FOXP2: variants seen among roughly 807,000 people sequenced by gnomAD.
FOXP2 encodes the protein forkhead box P2.
A neutral mutation model predicts 115.8 loss-of-function variants in FOXP2; 12 were observed. The ratio of observed to expected loss-of-function variants is 0.10; its 90% CI spans 0.07 to 0.17. The LOEUF (loss-of-function observed/expected upper bound fraction) is 0.17. FOXP2 is among the 10% of genes least tolerant of loss of function. FOXP2 has a pLI of 1.00. For synonymous variants in FOXP2, 328 were observed against 297.7 expected (o/e 1.10, Z -1.05); for missense variants, 629 against 843.5 (o/e 0.75, Z 3.15).
intron 3 of FOXP2, among the ~76,000 whole-genome samples, chr7:114,545,729 G>A (rs7812161): frequency 5.5e-4 from 83 of 152,046 alleles, no homozygotes; most frequent in African/African-American, 1.9e-3. Context: ...CTCAAACATC[G>A]GTTCATGTCT....
At chr7:114,396,542 A>G (rs903020221) in intron 2 of FOXP2, among the ~76,000 whole-genome samples, 3 of 151,080 alleles carry the variant, frequency 2.0e-5, no homozygotes, top group South Asian at 4.2e-4. Flanking sequence ...CCTATTTTTA[A>G]TTTTTTTTTA....
At chr7:114,376,637 T>A (rs984080403) in intron 2 of FOXP2, among the ~76,000 whole-genome samples, 4 of 152,176 alleles carry the variant, frequency 2.6e-5, no homozygotes, top group Non-Finnish European at 5.9e-5. Flanking sequence ...ATAAGTTATG[T>A]GCCTATGGTC....
intron 2 of FOXP2, among the ~76,000 whole-genome samples, chr7:114,314,962 C>T (rs1797239495): frequency 6.6e-6 from 1 of 152,044 alleles, no homozygotes; most frequent in Non-Finnish European, 1.5e-5. Context: ...CTGTTTACTT[C>T]TGAAAGAAAA....
At chr7:114,265,478 C>A (rs1277604060) in intron 1 of FOXP2, among the ~76,000 whole-genome samples, 2 of 152,196 alleles carry the variant, frequency 1.3e-5, no homozygotes, top group African/African-American at 4.8e-5. Context: ...TCAGCCCTTG[C>A]GCTTGCTCTC....
chr7:114,225,660 T>C (rs926023632), intron 1 of FOXP2, among the ~76,000 whole-genome samples: 3 of 151,380 alleles, frequency 2.0e-5, no homozygotes, highest in African/African-American at 7.3e-5. Flanking sequence ...GCTGTATTGC[T>C]CAGGCTGGTC....
intron 2 of FOXP2, among the ~76,000 whole-genome samples, chr7:114,382,695 C>G (rs1338978524): frequency 6.6e-6 from 1 of 152,010 alleles, no homozygotes; most frequent in Non-Finnish European, 1.5e-5. Context: ...AAGTTTTGCT[C>G]TGGGCCTAAG....
intron 2 of FOXP2, among the ~76,000 whole-genome samples, chr7:114,313,392 C>T (rs138327919): frequency 1.6e-3 from 237 of 152,176 alleles, no homozygotes; most frequent in African/African-American, 5.3e-3. Flanking sequence ...GGTAAAGATG[C>T]CACAGAATAT....
At chr7:114,258,896 G>C (rs1795681929) in intron 1 of FOXP2, among the ~76,000 whole-genome samples, 1 of 152,020 alleles carries the variant, frequency 6.6e-6, no homozygotes, top group Non-Finnish European at 1.5e-5. Context: ...AGAAAACCTG[G>C]GTAAACTATT....
chr7:114,609,081 C>T (rs549786696), intron 3 of FOXP2, among the ~76,000 whole-genome samples: 40 of 151,898 alleles, frequency 2.6e-4, no homozygotes, highest in African/African-American at 8.2e-4. Flanking sequence ...GGTGTGGTGG[C>T]GGGCATCTGT....
At chr7:114,246,509 G>A (rs1364079062) in intron 1 of FOXP2, among the ~76,000 whole-genome samples, 1 of 152,052 alleles carries the variant, frequency 6.6e-6, no homozygotes, top group African/African-American at 2.4e-5. Context: ...CCTTTTATAT[G>A]TTGTTTCTCA....
intron 3 of FOXP2, among the ~76,000 whole-genome samples, chr7:114,551,277 G>C (rs964600103): frequency 6.6e-6 from 1 of 152,072 alleles, no homozygotes; most frequent in Non-Finnish European, 1.5e-5. Flanking sequence ...GCAGACACCA[G>C]GTACCATAGG....
At chr7:114,255,764 CT>C (rs1267071562) in intron 1 of FOXP2, among the ~76,000 whole-genome samples, 1 of 152,160 alleles carries the variant, frequency 6.6e-6, no homozygotes, top group Non-Finnish European at 1.5e-5. Context: ...CCTCACCCTG[CT>C]TTGGCTCACA....
intron 1 of FOXP2, among the ~76,000 whole-genome samples, chr7:114,285,050 G>A (rs1480343191): frequency 6.6e-6 from 1 of 152,004 alleles, no homozygotes; most frequent in Non-Finnish European, 1.5e-5. Context: ...GGGAGGAGGG[G>A]GAGGATTAGA....
chr7:114,266,085 A>G (rs2129172042), intron 1 of FOXP2, among the ~76,000 whole-genome samples: 1 of 152,068 alleles, frequency 6.6e-6, no homozygotes, highest in South Asian at 2.1e-4. Flanking sequence ...AAAAAAAACA[A>G]AAAACTGGAC....
At chr7:114,113,038 G>T (rs1436439213) in intron 1 of FOXP2, among the ~76,000 whole-genome samples, 1 of 152,164 alleles carries the variant, frequency 6.6e-6, no homozygotes, top group Non-Finnish European at 1.5e-5. Context: ...ATCAGAGATT[G>T]AACCATGATG....
intron 3 of FOXP2, among the ~76,000 whole-genome samples, chr7:114,581,203 A>T (rs1801851622): frequency 6.9e-6 from 1 of 145,622 alleles, no homozygotes. Context: ...ATTTATTTTG[A>T]GATGCAGTCT....
At chr7:114,176,303 TCTCTCTC>T (rs1562992959) in intron 1 of FOXP2, among the ~76,000 whole-genome samples, 160 of 144,960 alleles carry the variant, frequency 1.1e-3, no homozygotes, top group African/African-American at 3.9e-3. Flanking sequence ...TTTCTTTCTC[TCTCTCTC>T]TCTCTCTCTC....
At chr7:114,330,438 G>A (rs1310445759) in intron 2 of FOXP2, among the ~76,000 whole-genome samples, 4 of 150,350 alleles carry the variant, frequency 2.7e-5, no homozygotes, top group Non-Finnish European at 5.9e-5. Context: ...TTCGAGAACA[G>A]CCTGGGCAAC....
At chr7:114,339,242 T>C (rs918143126) in intron 2 of FOXP2, among the ~76,000 whole-genome samples, 2 of 151,212 alleles carry the variant, frequency 1.3e-5, no homozygotes, top group African/African-American at 4.8e-5. Context: ...ACTAAGAGCA[T>C]GATTTTGTCT....
Sources: allele counts gnomAD v4.1 joint callset (sites outside exome capture counted in the v4.1 genomes callset), GRCh38; gene constraint gnomAD v4.1.1; transcripts MANE v1.5; gene names NCBI Gene and HGNC (gene_info 2026-07-23, HGNC 2026-07-21).